CALN1: variants seen among roughly 807,000 people sequenced by gnomAD.
CALN1 encodes the protein calneuron 1, also known as calcium-binding protein 8.
A neutral mutation model predicts 30.6 loss-of-function variants in CALN1; 17 were observed. The observed-to-expected ratio is 0.56, with a 90% CI of 0.38 to 0.83. CALN1 has a LOEUF of 0.83. CALN1 is among the 40% of genes least tolerant of loss of function. CALN1 has a pLI of 0.00. For synonymous variants in CALN1, 156 were observed against 131.4 expected, an observed-to-expected ratio of 1.19 and a Z score of -1.28; for missense variants, 291 against 354.9, an observed-to-expected ratio of 0.82 and a Z score of 1.45.
At chr7:71,884,330 G>T (rs772989435) in intron 5 of CALN1, among the ~76,000 whole-genome samples, 6 of 152,168 alleles carry the variant, frequency 3.9e-5, no homozygotes, top group Non-Finnish European at 8.8e-5. Flanking sequence ...TCCTGGAGGA[G>T]GTCCAGAATC....
intron 3 of CALN1, among the ~76,000 whole-genome samples, chr7:72,185,406 G>A (rs1184512857): frequency 3.3e-5 from 5 of 152,106 alleles, no homozygotes; most frequent in African/African-American, 9.7e-5. Context: ...CACAGATTGC[G>A]CAGGAAGCTT....
intron 5 of CALN1, among the ~76,000 whole-genome samples, chr7:71,965,464 T>TG (rs1327799891): frequency 6.6e-6 from 1 of 152,224 alleles, no homozygotes; most frequent in Non-Finnish European, 1.5e-5. Context: ...TCCTCTCACT[T>TG]GCAGATGACA....
At chr7:72,339,235 G>A (rs1447890111) in intron 2 of CALN1, among the ~76,000 whole-genome samples, 1 of 152,090 alleles carries the variant, frequency 6.6e-6, no homozygotes, top group Non-Finnish European at 1.5e-5. Flanking sequence ...CACATGGGTT[G>A]CTTCCAAATC....
upstream of CALN1, among the ~76,000 whole-genome samples, chr7:72,416,755 A>C (rs1167821312): frequency 1.9e-4 from 28 of 150,834 alleles, no homozygotes; most frequent in Non-Finnish European, 3.0e-4. Flanking sequence ...AAAAAAAAAA[A>C]AAAAAACAAA....
chr7:72,136,124 G>A (rs540219160), intron 3 of CALN1, among the ~76,000 whole-genome samples: 192 of 64,822 alleles, frequency 3.0e-3, no homozygotes, highest in African/African-American at 0.016. Context: ...AACAGAAAAA[G>A]ACTCTGTCTC....
At chr7:72,137,274 T>C (rs1322963140) in intron 3 of CALN1, among the ~76,000 whole-genome samples, 1 of 152,170 alleles carries the variant, frequency 6.6e-6, no homozygotes, top group East Asian at 1.9e-4. Context: ...CATTAGCCAT[T>C]AGGCTGATGT....
rs1305576740 is a variant in CALN1 at position 72,271,564 on chromosome 7, T to TAAAAAAAAAAAAAAAA, written c.244+7121_244+7122insTTTTTTTTTTTTTTTT. On this transcript the variant is annotated intron_variant, in intron 3 of 6. Transcript: ENST00000395275. ...AGCATGAACCACTGTGCCTGCCTTT[T>TAAAAAAAAAAAAAAAA]AAAAAAAAAAAATATATATATATAT... 9.3e-5 allele frequency among the ~76,000 whole-genome samples: 6 copies of TAAAAAAAAAAAAAAAA among 64,586 alleles called. 1 individual carries two copies. The highest frequency in any genetic ancestry group is 6.6e-4 in the African/African-American group (6 of 9,090). The allele number at this position is 64,586 out of a possible 152,430, so 42.4% of individuals were successfully genotyped here. A position where few individuals can be genotyped will look rare whatever the true frequency, so the allele number is the denominator to read the frequency against.
Position 72,333,856 on chromosome 7 carries a change from T to G in CALN1, c.120-55046A>C, listed in dbSNP as rs116617000. On this transcript the variant is annotated intron_variant, in intron 2 of 6. Transcript: ENST00000395275. The stretch of plus-strand genomic sequence containing the variant: ...TGTGCCTCAGTTTCCTCACCAGGAA[T>G]GAGGAATGAGCTGCTGACCTAGATT... Among the ~76,000 whole-genome samples the G allele has an allele frequency of 7.9e-3, 1,203 of 152,214 alleles. 19 individuals carry two copies. The highest frequency in any genetic ancestry group is 0.028 in the African/African-American group (1,148 of 41,514).
intron 3 of CALN1, among the ~76,000 whole-genome samples, chr7:72,115,980 T>G (rs995603501): frequency 1.3e-5 from 2 of 152,164 alleles, no homozygotes; most frequent in African/African-American, 4.8e-5. Context: ...CCATCCATGG[T>G]CCTGCAAATG....
chr7:72,154,575 C>G (rs1042994182), intron 3 of CALN1, among the ~76,000 whole-genome samples: 7 of 152,150 alleles, frequency 4.6e-5, no homozygotes, highest in Admixed American at 4.6e-4. Context: ...TGTAAATGGC[C>G]TGAGAAACCT....
At chr7:71,930,780 C>G (rs940982737) in intron 5 of CALN1, among the ~76,000 whole-genome samples, 7 of 152,214 alleles carry the variant, frequency 4.6e-5, no homozygotes, top group African/African-American at 1.7e-4. Flanking sequence ...TCCAGAAACT[C>G]TTCTGCGCTT....
chr7:72,053,643 TTTTTA>T (rs1402542533), intron 4 of CALN1, among the ~76,000 whole-genome samples: 3 of 152,216 alleles, frequency 2.0e-5, no homozygotes, highest in Admixed American at 6.5e-5. Context: ...TTATCTATTT[TTTTTA>T]TTTTATTTTT....
At chr7:72,006,853 C>A (rs1799797636) in intron 5 of CALN1, among the ~76,000 whole-genome samples, 1 of 152,136 alleles carries the variant, frequency 6.6e-6, no homozygotes, top group African/African-American at 2.4e-5. Context: ...CATCCGCATG[C>A]CTCCCAGACT....
chr7:72,187,016 G>A (rs868685192), intron 3 of CALN1, among the ~76,000 whole-genome samples: 6 of 151,424 alleles, frequency 4.0e-5, no homozygotes, highest in Middle Eastern at 3.4e-3. Flanking sequence ...GGGGAGTTCA[G>A]AAGATGATGA....
intron 3 of CALN1, among the ~76,000 whole-genome samples, chr7:72,165,148 C>T (rs552751874): frequency 6.6e-6 from 1 of 152,126 alleles, no homozygotes; most frequent in African/African-American, 2.4e-5. Context: ...AGATTAAAGA[C>T]CCTGGTAGCA....
chr7:71,866,795 G>T (rs773274897), intron 5 of CALN1, among the ~76,000 whole-genome samples: 39 of 152,156 alleles, frequency 2.6e-4, no homozygotes, highest in Non-Finnish European at 5.1e-4. Flanking sequence ...AATAGGGGGA[G>T]AAAGGTCTGT....
chr7:71,980,657 C>A (rs888886534), intron 5 of CALN1, among the ~76,000 whole-genome samples: 3 of 152,156 alleles, frequency 2.0e-5, no homozygotes, highest in Non-Finnish European at 2.9e-5. Flanking sequence ...CACTTCCACG[C>A]CCTCTGCAAC....
chr7:71,956,295 G>A (rs1796957892), intron 5 of CALN1, among the ~76,000 whole-genome samples: 1 of 151,684 alleles, frequency 6.6e-6, no homozygotes, highest in African/African-American at 2.4e-5. Context: ...GCCCGTTCTA[G>A]AATTTTAATA....
chr7:71,936,339 A>G (rs1795829579), intron 5 of CALN1, among the ~76,000 whole-genome samples: 1 of 151,598 alleles, frequency 6.6e-6, no homozygotes, highest in Admixed American at 6.6e-5. Flanking sequence ...TCTACTAAAA[A>G]TACAAAAAAT....
Sources: allele counts gnomAD v4.1 joint callset (sites outside exome capture counted in the v4.1 genomes callset), GRCh38; gene constraint gnomAD v4.1.1; transcripts MANE v1.5; gene names NCBI Gene and HGNC (gene_info 2026-07-23, HGNC 2026-07-21).